TMEM132E: variants seen among roughly 807,000 people sequenced by gnomAD.
TMEM132E encodes the protein transmembrane protein 132E.
In TMEM132E, 49 loss-of-function variants were observed where a neutral mutation model predicts 78.5. The ratio of observed to expected loss-of-function variants is 0.62; its 90% CI spans 0.50 to 0.79. The LOEUF is 0.79. Ranked by LOEUF, TMEM132E falls within the 30% of genes least tolerant of loss-of-function variation. The probability of loss-of-function intolerance (pLI) is 0.00; values close to 1 mark genes in which losing one functional copy is unlikely to be tolerated. For missense variants in TMEM132E, 1,403 were observed against 1,470.9 expected, an observed-to-expected ratio of 0.95 and a Z score of 0.75; for synonymous variants, 715 against 670.6, an observed-to-expected ratio of 1.07 and a Z score of -1.02.
intron 1 of TMEM132E, among the ~76,000 whole-genome samples, chr17:34,610,511 T>C (rs1373385351): frequency 2.6e-5 from 4 of 152,176 alleles, no homozygotes; most frequent in Admixed American, 6.5e-5. Context: ...GAATCCTGCT[T>C]AACCCACCCT....
Position 34,638,010 on chromosome 17 carries a change from C to T in TMEM132E, c.3003C>T (p.Asp1001=). Residue 1001 remains aspartate (D), a synonymous_variant, in exon 9 of 9, where the codon GAC becomes GAT. Transcript: ENST00000631683. ...GCTCAGCCCGAGACCAAGCCGAGGA[C>T]CCCGCCAGCTCGCCCACCTCCAAGC... is the stretch of plus-strand genomic sequence containing the variant. The part of the protein sequence containing the change: ...SGGSARDQAE[D]PASSPTSKRK... 1 of 1,579,702 alleles carries T rather than the reference C, an allele frequency of 6.3e-7. No homozygotes were observed. Among genetic ancestry groups the T allele is most frequent in the Non-Finnish European group, 8.6e-7 (1 of 1,163,178 alleles).
chr17:34,609,721 AT>A (rs1230095746), intron 1 of TMEM132E, among the ~76,000 whole-genome samples: 1 of 152,212 alleles, frequency 6.6e-6, no homozygotes, highest in Non-Finnish European at 1.5e-5. Flanking sequence ...TATAGGATCT[AT>A]TATTTTTGCA....
intron 1 of TMEM132E, among the ~76,000 whole-genome samples, chr17:34,600,139 C>A (rs1207955243): frequency 1.3e-5 from 2 of 152,150 alleles, no homozygotes; most frequent in Admixed American, 1.3e-4. Context: ...TCACTTAGTC[C>A]CCTGTTCTAG....
rs553427407 is a variant in TMEM132E at position 34,586,353 on chromosome 17, TGAAAA to T, written c.67+5217_67+5221del. On this transcript the variant is annotated intron_variant, in intron 1 of 8. Coordinates refer to ENST00000631683, the MANE Select transcript of TMEM132E (RefSeq NM_001304438.2). The stretch of plus-strand genomic sequence containing the variant: ...ATTTTTCCTTCTCTGTCTTCTTAAA[TGAAAA>T]GAAAAGTAGGCCTTCTTATCACCAA... 4.0e-3 allele frequency among the ~76,000 whole-genome samples: 616 copies of T among 152,184 alleles called. 1 individual carries two copies. Among genetic ancestry groups the T allele is most frequent in the Non-Finnish European group, 5.7e-3 (385 of 68,022 alleles).
chr17:34,592,892 C>T (rs1345976362), intron 1 of TMEM132E, among the ~76,000 whole-genome samples: 3 of 152,204 alleles, frequency 2.0e-5, no homozygotes, highest in Admixed American at 6.5e-5. Context: ...CAGCCAACTG[C>T]AAGCCCTGTG....
In TMEM132E at chr17:34,626,859, C is replaced by A; in HGVS notation, c.800C>A (p.Pro267His). Residue 267 changes from proline (P) to histidine (H), a missense_variant, in exon 2 of 9, where the codon CCC becomes CAC. Physicochemically the swap from Pro to His is moderately conservative, Grantham distance 77. This residue lies in a region of TMEM132E where 511 missense variants were observed against 499.0 expected (regional missense o/e 1.02). Coordinates refer to ENST00000631683, the MANE Select transcript of TMEM132E (RefSeq NM_001304438.2). ...CGAGCGGAAAGCCCTACCCAGCACCCCCTGCTGCGCATCGGGAGCATCAGC... is the reference window on the plus strand; with the variant it reads ...CGAGCGGAAAGCCCTACCCAGCACCACCTGCTGCGCATCGGGAGCATCAGC... ...GARAESPTQH[P>H]LLRIGSISLF... The A allele has an allele frequency of 6.2e-7, 1 of 1,604,928 alleles. No homozygotes were observed. The highest frequency in any genetic ancestry group is 8.5e-7 in the Non-Finnish European group (1 of 1,178,596).
Position 34,637,361 on chromosome 17 carries a change from C to T in TMEM132E, c.2354C>T (p.Ala785Val). ...GAGGGGTCAGGGGAGCTGCTTCGCG[C>T]AGAGCTAACCATCGCTGAGAGCTGC... Reference protein sequence around the residue: ...EAEGSGELLRAELTIAESCQK... With the variant: ...EAEGSGELLRVELTIAESCQK... The change falls in exon 9 of 9, where the codon GCA becomes GTA. Residue 785 changes from alanine to valine, a missense_variant. By Grantham distance (64) the Ala-to-Val change is moderately conservative (BLOSUM62 0). This residue lies in a region of TMEM132E where 888 missense variants were observed against 952.8 expected (regional missense o/e 0.93). Coordinates refer to ENST00000631683, the MANE Select transcript of TMEM132E (RefSeq NM_001304438.2). 6.2e-7 allele frequency: 1 copy of T among 1,613,986 alleles called. No homozygotes were observed. The highest frequency in any genetic ancestry group is 8.5e-7 in the Non-Finnish European group (1 of 1,180,050).
chr17:34,581,468 T>C (rs1376392583), intron 1 of TMEM132E, among the ~76,000 whole-genome samples: 2 of 151,992 alleles, frequency 1.3e-5, no homozygotes, highest in Non-Finnish European at 2.9e-5. Flanking sequence ...ATCCTCCGGA[T>C]CGCGTCCAGG....
chr17:34,598,708 G>T (rs1190674264), intron 1 of TMEM132E, among the ~76,000 whole-genome samples: 1 of 152,220 alleles, frequency 6.6e-6, no homozygotes, highest in Non-Finnish European at 1.5e-5. Context: ...GATGTAATTG[G>T]AACCCAATTA....
Position 34,579,994 on chromosome 17 carries a change from C to G in TMEM132E, c.-1083C>G, listed in dbSNP as rs1905406096. 6.6e-6 allele frequency: 1 copy of G among 152,320 alleles called. No homozygotes were observed. The highest frequency in any genetic ancestry group is 2.1e-4 in the South Asian group (1 of 4,832). 9.4% of individuals were successfully genotyped at this position (152,320 alleles called of 1,614,324 possible). A position where few individuals can be genotyped will look rare whatever the true frequency, so the allele number is the denominator to read the frequency against. Reference sequence around the variant, plus strand: ...CGGCGGGGAGGAGGCGTCGGAGACTCTGAACCCCAGAAAAGTTCAAGGTTT... The same window carrying G: ...CGGCGGGGAGGAGGCGTCGGAGACTGTGAACCCCAGAAAAGTTCAAGGTTT... On this transcript the variant is annotated 5_prime_UTR_variant, in exon 1 of 9. Coordinates refer to ENST00000631683, the MANE Select transcript of TMEM132E (RefSeq NM_001304438.2).
intron 1 of TMEM132E, among the ~76,000 whole-genome samples, chr17:34,587,781 C>G (rs1905727788): frequency 6.6e-6 from 1 of 152,248 alleles, no homozygotes; most frequent in South Asian, 2.1e-4. Context: ...CTTGAGCATT[C>G]TAACTCTTCT....
chr17:34,581,289 A>G, intron 1 of TMEM132E, 146 bp downstream of exon 1: 1 of 646,624 alleles, frequency 1.5e-6, no homozygotes, highest in Non-Finnish European at 2.2e-6. Flanking sequence ...AGCTCGAGTT[A>G]CCGCCAGCCC....
At position 34,629,116 on chromosome 17, in the gene TMEM132E, G is replaced by A. The variant is rs955777587; in HGVS notation, c.1250G>A (p.Gly417Asp). The A allele has an allele frequency of 1.2e-6, 2 of 1,613,376 alleles. No individual in the cohort carries two copies. Among genetic ancestry groups the A allele is most frequent in the African/African-American group, 1.3e-5 (1 of 74,924 alleles). Residue 417 changes from glycine to aspartate, a missense_variant, in exon 4 of 9, where the codon GGC (glycine) becomes GAC (aspartate). Coordinates refer to ENST00000631683, the MANE Select transcript of TMEM132E (RefSeq NM_001304438.2). ...RRIMWHIDYR[G>D]HGALPDLERA... is the part of the protein sequence containing the mutation. ...ATCATGTGGCACATTGACTACCGTGGCCACGGCGCCCTGCCTGACCTGGAG... is the reference window on the plus strand; with the variant it reads ...ATCATGTGGCACATTGACTACCGTGACCACGGCGCCCTGCCTGACCTGGAG...
intron 1 of TMEM132E, among the ~76,000 whole-genome samples, chr17:34,600,688 G>T (rs1044990278): frequency 2.0e-5 from 3 of 152,154 alleles, no homozygotes; most frequent in Non-Finnish European, 4.4e-5. Context: ...AGGGCAGGAG[G>T]GCCAGGAGTT....
intron 1 of TMEM132E, among the ~76,000 whole-genome samples, chr17:34,592,968 C>T (rs567832333): frequency 2.0e-5 from 3 of 152,320 alleles, no homozygotes; most frequent in South Asian, 2.1e-4. Flanking sequence ...TGAGCAGCAT[C>T]GGCACTGTCC....
chr17:34,609,861 A>G (rs1906531113), intron 1 of TMEM132E, among the ~76,000 whole-genome samples: 1 of 152,210 alleles, frequency 6.6e-6, no homozygotes, highest in Admixed American at 6.5e-5. Context: ...TCCTTAGCTT[A>G]GCATTCAAAG....
At chr17:34,628,366 G>C (rs996421860) in intron 2 of TMEM132E, among the ~76,000 whole-genome samples, 197 bp from the exon 3 acceptor site, 1 of 152,200 alleles carries the variant, frequency 6.6e-6, no homozygotes, top group African/African-American at 2.4e-5. Flanking sequence ...AGCTTTCACC[G>C]AGGGTCAGAG....
At chr17:34,621,836 G>T (rs1017116449) in intron 1 of TMEM132E, among the ~76,000 whole-genome samples, 1 of 152,120 alleles carries the variant, frequency 6.6e-6, no homozygotes, top group Admixed American at 6.5e-5. Flanking sequence ...GTGTGTGTGT[G>T]TGTCCTCCCA....
rs73988749 is a variant in TMEM132E, at chr17:34,634,264, A to G, written c.1689-535A>G. Among the ~76,000 whole-genome samples, 268 of 152,294 alleles carry G rather than the reference A, an allele frequency of 1.8e-3. 1 individual carries two copies. The highest frequency in any genetic ancestry group is 5.6e-3 in the African/African-American group (234 of 41,560). On this transcript the variant is annotated intron_variant, in intron 6 of 8. Coordinates refer to ENST00000631683, the MANE Select transcript of TMEM132E (RefSeq NM_001304438.2). ...TTCCCTTTTGCTTAACAGTTTATTTATGTGTCTCTCTCCTCTCACATTTGA... is the reference window on the plus strand; with the variant it reads ...TTCCCTTTTGCTTAACAGTTTATTTGTGTGTCTCTCTCCTCTCACATTTGA...
Sources: allele counts gnomAD v4.1 joint callset (sites outside exome capture counted in the v4.1 genomes callset), GRCh38; gene constraint gnomAD v4.1.1; regional missense constraint gnomAD v4.1.1; transcripts MANE v1.5; gene names NCBI Gene and HGNC (gene_info 2026-07-23, HGNC 2026-07-21).